Variants in MYRIP observed in about 807,000 individuals in gnomAD.
The protein encoded by MYRIP is myosin VIIA and Rab interacting protein, also known as rab effector MyRIP.
MYRIP carries 49 observed loss-of-function variants against 98.0 expected under a neutral mutation model. That is an observed-to-expected ratio of 0.50 (90% CI 0.40 to 0.63). The LOEUF is 0.63. Ranked by LOEUF, MYRIP falls within the 30% of genes least tolerant of loss-of-function variation. The pLI is 0.00. For synonymous variants in MYRIP, 404 were observed against 409.5 expected, an observed-to-expected ratio of 0.99 and a Z score of 0.16; for missense variants, 1,004 against 1,058.2, an observed-to-expected ratio of 0.95 and a Z score of 0.71.
intron 1 of MYRIP, among the ~76,000 whole-genome samples, chr3:39,888,618 A>G (rs1408180603): frequency 1.9e-4 from 29 of 152,208 alleles, no homozygotes; most frequent in East Asian, 5.8e-4. Context: ...CATACGCATG[A>G]GCAAGGACTT....
chr3:40,105,851 G>A (rs1949041323), intron 3 of MYRIP, among the ~76,000 whole-genome samples: 2 of 152,136 alleles, frequency 1.3e-5, no homozygotes, highest in Non-Finnish European at 2.9e-5. Flanking sequence ...CACAAGAACA[G>A]CATAGGGAAA....
At chr3:40,105,569 T>G (rs1949036548) in intron 3 of MYRIP, among the ~76,000 whole-genome samples, 2 of 152,160 alleles carry the variant, frequency 1.3e-5, no homozygotes, top group Admixed American at 6.5e-5. Flanking sequence ...AACCAGATCT[T>G]GTGAGAACTC....
intron 4 of MYRIP, among the ~76,000 whole-genome samples, chr3:40,162,023 C>T (rs867289229): frequency 3.9e-5 from 6 of 152,200 alleles, no homozygotes; most frequent in African/African-American, 1.4e-4. Flanking sequence ...TCAGATACAC[C>T]TTTTCTCCCA....
chr3:40,178,700 T>C (rs1041323882), intron 8 of MYRIP, among the ~76,000 whole-genome samples: 1 of 152,216 alleles, frequency 6.6e-6, no homozygotes. Context: ...TACTGATCCC[T>C]TAACATGAGG....
chr3:39,834,794 T>C (rs995970325), intron 1 of MYRIP, among the ~76,000 whole-genome samples: 8 of 152,228 alleles, frequency 5.3e-5, no homozygotes, highest in Admixed American at 3.3e-4. Flanking sequence ...ATAATTTATA[T>C]TATACATTCC....
intron 3 of MYRIP, among the ~76,000 whole-genome samples, chr3:40,046,319 A>C (rs1466977601): frequency 6.6e-6 from 1 of 152,074 alleles, no homozygotes; most frequent in Non-Finnish European, 1.5e-5. Context: ...CCATGGCTGC[A>C]TGCGCTACAC....
At chr3:39,838,302 T>A (rs527643441) in intron 1 of MYRIP, among the ~76,000 whole-genome samples, 1 of 152,372 alleles carries the variant, frequency 6.6e-6, no homozygotes, top group South Asian at 2.1e-4. Flanking sequence ...TCAAAGGGAA[T>A]GCTTCCAGCT....
intron 1 of MYRIP, among the ~76,000 whole-genome samples, chr3:39,839,895 A>G (rs1198102949): frequency 2.0e-5 from 3 of 152,006 alleles, no homozygotes; most frequent in Non-Finnish European, 4.4e-5. Flanking sequence ...TTCCAATTAT[A>G]TGGTCAATTT....
intron 3 of MYRIP, among the ~76,000 whole-genome samples, chr3:40,045,722 A>G (rs1318815255): frequency 6.6e-6 from 1 of 152,194 alleles, no homozygotes; most frequent in African/African-American, 2.4e-5. Context: ...TTCCTGTAAC[A>G]AATTATGAAT....
intron 12 of MYRIP, among the ~76,000 whole-genome samples, chr3:40,234,898 C>T (rs143334151): frequency 2.3e-4 from 35 of 151,422 alleles, no homozygotes; most frequent in Non-Finnish European, 5.0e-4. Context: ...GGAGGCTGAC[C>T]CAGGAAATCG....
At chr3:39,849,705 C>T (rs1053169369) in intron 1 of MYRIP, among the ~76,000 whole-genome samples, 5 of 152,184 alleles carry the variant, frequency 3.3e-5, no homozygotes, top group African/African-American at 1.2e-4. Flanking sequence ...GGGTTTTCTA[C>T]AACTCAGTGT....
intron 2 of MYRIP, among the ~76,000 whole-genome samples, chr3:39,992,112 A>G (rs1946194089): frequency 6.6e-6 from 1 of 152,172 alleles, no homozygotes; most frequent in Admixed American, 6.5e-5. Context: ...CGTGCCACCA[A>G]GTATTGACAT....
intron 3 of MYRIP, among the ~76,000 whole-genome samples, chr3:40,069,135 A>G (rs945572974): frequency 1.3e-5 from 2 of 152,222 alleles, no homozygotes; most frequent in African/African-American, 4.8e-5. Context: ...TTGTAGTCTC[A>G]GAAGTGGGTT....
intron 3 of MYRIP, among the ~76,000 whole-genome samples, chr3:40,067,759 A>AAAT (rs751956377): frequency 1.2e-3 from 119 of 102,450 alleles, no homozygotes; most frequent in Non-Finnish European, 1.8e-3. Flanking sequence ...GAGGTCTAAG[A>AAAT]GATGGTAACA....
At chr3:40,035,195 C>T (rs1181798831) in intron 2 of MYRIP, among the ~76,000 whole-genome samples, 6 of 150,834 alleles carry the variant, frequency 4.0e-5, no homozygotes, top group African/African-American at 1.5e-4. Flanking sequence ...GCACATTGTG[C>T]ACATGTACCC....
At chr3:40,163,925 C>A (rs1950449933) in intron 5 of MYRIP, among the ~76,000 whole-genome samples, 1 of 152,162 alleles carries the variant, frequency 6.6e-6, no homozygotes, top group Admixed American at 6.5e-5. Context: ...TGCAGCTTCT[C>A]CATAGGTTAC....
intron 9 of MYRIP, among the ~76,000 whole-genome samples, chr3:40,186,726 G>A (rs1245844248): frequency 1.3e-5 from 2 of 152,162 alleles, no homozygotes; most frequent in South Asian, 2.1e-4. Context: ...CACTGAAGTC[G>A]TGAGGGCCAA....
chr3:39,910,894 G>T (rs1339276011), intron 2 of MYRIP, among the ~76,000 whole-genome samples: 3 of 151,980 alleles, frequency 2.0e-5, no homozygotes, highest in African/African-American at 7.3e-5. Context: ...TGGTTTTTAG[G>T]TATCTGTAAG....
chr3:40,048,699 T>G (rs1323743451), intron 3 of MYRIP, among the ~76,000 whole-genome samples: 91 of 152,200 alleles, frequency 6.0e-4, no homozygotes, highest in Admixed American at 6.0e-3. Flanking sequence ...TTTGAGAATT[T>G]TAAAGTTGTA....
Sources: allele counts gnomAD v4.1 joint callset (sites outside exome capture counted in the v4.1 genomes callset), GRCh38; gene constraint gnomAD v4.1.1; transcripts MANE v1.5; gene names NCBI Gene and HGNC (gene_info 2026-07-23, HGNC 2026-07-21).